The following GINS1 variants were observed in gnomAD, a reference collection of about 807,000 sequenced individuals.
GINS1 encodes DNA replication complex GINS protein PSF1.
In GINS1, 26 loss-of-function variants were observed where a neutral mutation model predicts 34.9. The observed-to-expected ratio is 0.74, with a 90% CI of 0.55 to 1.03. The LOEUF (loss-of-function observed/expected upper bound fraction) is 1.03. Among genes scored for constraint, GINS1 ranks in the 50% least tolerant of loss-of-function variants. The pLI is 0.00. For missense variants in GINS1, 235 were observed against 237.9 expected, an observed-to-expected ratio of 0.99 and a Z score of 0.08; for synonymous variants, 97 against 84.4, an observed-to-expected ratio of 1.15 and a Z score of -0.82.
At chr20:25,412,782 A>G (rs1250845895) in intron 1 of GINS1, among the ~76,000 whole-genome samples, 1 of 152,182 alleles carries the variant, frequency 6.6e-6, no homozygotes, top group East Asian at 1.9e-4. Context: ...CATATAACCC[A>G]TAAATATACA....
intron 5 of GINS1, among the ~76,000 whole-genome samples, chr20:25,440,648 TA>T (rs1330099996): frequency 6.6e-6 from 1 of 151,506 alleles, no homozygotes. Flanking sequence ...CCATCTCTAC[TA>T]AAAATACAAA....
In GINS1 at chr20:25,413,655, T is replaced by A. The variant is rs939527858; in HGVS notation, c.76-135T>A. The A allele has an allele frequency of 1.1e-5, 7 of 642,506 alleles. No individual in the cohort carries two copies. In the Admixed American group the frequency reaches 1.5e-4, roughly 13 times the overall value. The allele number at this position is 642,506 out of a possible 1,614,324, so 39.8% of individuals were successfully genotyped here. A position where few individuals can be genotyped will look rare whatever the true frequency, so the allele number is the denominator to read the frequency against. ...ATCTCACCAACACTTGTTATAACCA[T>A]GCTAGTGGGGTGTGAAAGGACTATT... is the stretch of plus-strand genomic sequence containing the variant. On this transcript the variant is annotated intron_variant, in intron 1 of 6. Transcript: ENST00000262460.
chr20:25,414,888 AAG>A, intron 2 of GINS1, among the ~76,000 whole-genome samples: 1 of 152,142 alleles, frequency 6.6e-6, no homozygotes, highest in Non-Finnish European at 1.5e-5. Flanking sequence ...CTAGCTATAA[AAG>A]GTTTCAGTGT....
rs753933644 is a variant in GINS1, at chr20:25,425,338, C to A, written c.447+11C>A. 4.6e-6 allele frequency: 5 copies of A among 1,085,092 alleles called. No individual in the cohort carries two copies. The highest frequency in any genetic ancestry group is 2.7e-5 in the South Asian group (2 of 74,810). The allele number at this position is 1,085,092 out of a possible 1,614,324, so 67.2% of individuals were successfully genotyped here. Reference sequence around the variant, plus strand: ...AGCCTATATATTGAAGTATGTATATCTTTTTAAAATGCATTTTTCTTTAAT... The same window carrying A: ...AGCCTATATATTGAAGTATGTATATATTTTTAAAATGCATTTTTCTTTAAT... On this transcript the variant is annotated intron_variant, in intron 5 of 6. Coordinates refer to ENST00000262460, the MANE Select transcript of GINS1 (RefSeq NM_021067.5).
intron 5 of GINS1, among the ~76,000 whole-genome samples, chr20:25,440,807 T>C (rs1209785091): frequency 9.6e-6 from 1 of 104,300 alleles, no homozygotes; most frequent in African/African-American, 4.6e-5. Context: ...CAAGACTCTG[T>C]CTCAAAAAAA....
At position 25,427,869 on chromosome 20, in the gene GINS1, A is replaced by ATT. The variant is rs11411051; in HGVS notation, c.447+2560_447+2561dup. Among the ~76,000 whole-genome samples the ATT allele has an allele frequency of 8.0e-3, 755 of 94,242 alleles. 32 individuals are homozygous for ATT. Among genetic ancestry groups the ATT allele is most frequent in the African/African-American group, 0.022 (518 of 23,084 alleles). The allele number at this position is 94,242 out of a possible 152,430, so 61.8% of individuals were successfully genotyped here. On this transcript the variant is annotated intron_variant, in intron 5 of 6. Transcript: ENST00000262460. ...AAATTTTCATGCAGCCCAGTTCGTC[A>ATT]TTTTTTTTTTTTTTTTTTTGAGATG...
chr20:25,412,448 G>T (rs928925937), intron 1 of GINS1, among the ~76,000 whole-genome samples: 5 of 151,848 alleles, frequency 3.3e-5, no homozygotes, highest in Admixed American at 1.3e-4. Flanking sequence ...CCAGCTACTC[G>T]GGAGGCTGAG....
chr20:25,439,926 C>T (rs554862463), intron 5 of GINS1, among the ~76,000 whole-genome samples: 2 of 149,834 alleles, frequency 1.3e-5, no homozygotes, highest in Non-Finnish European at 3.0e-5. Context: ...ACCTGGGAAG[C>T]GGAGGTTCCA....
chr20:25,424,537 A>G (rs1418165332), intron 4 of GINS1, among the ~76,000 whole-genome samples: 1 of 152,174 alleles, frequency 6.6e-6, no homozygotes, highest in Non-Finnish European at 1.5e-5. Context: ...TAGTATATTC[A>G]GAGTTGTTGT....
At chr20:25,437,030 T>C (rs1198566394) in intron 5 of GINS1, among the ~76,000 whole-genome samples, 2 of 152,252 alleles carry the variant, frequency 1.3e-5, no homozygotes, top group Non-Finnish European at 2.9e-5. Flanking sequence ...ACCTGAGGTA[T>C]AACCTTAAGG....
At chr20:25,444,525 G>T (rs1277482113) in intron 6 of GINS1, among the ~76,000 whole-genome samples, 2 of 152,108 alleles carry the variant, frequency 1.3e-5, no homozygotes, top group African/African-American at 4.8e-5. Flanking sequence ...TTGGTCATGG[G>T]TCTCTTGCCA....
At chr20:25,430,464 T>C (rs1600935828) in intron 5 of GINS1, among the ~76,000 whole-genome samples, 1 of 152,242 alleles carries the variant, frequency 6.6e-6, no homozygotes, top group Non-Finnish European at 1.5e-5. Context: ...TAAATCTCAA[T>C]TGATTTATGA....
At chr20:25,434,333 G>T (rs2090442484) in intron 5 of GINS1, among the ~76,000 whole-genome samples, 1 of 151,834 alleles carries the variant, frequency 6.6e-6, no homozygotes, top group African/African-American at 2.4e-5. Flanking sequence ...GTTATAAAAT[G>T]TTACAATATT....
intron 5 of GINS1, among the ~76,000 whole-genome samples, chr20:25,436,067 C>T (rs1315465993): frequency 6.6e-6 from 1 of 151,628 alleles, no homozygotes; most frequent in African/African-American, 2.4e-5. Flanking sequence ...TGTGATCTCA[C>T]CTTGGCCTCC....
At position 25,423,182 on chromosome 20, in the gene GINS1, C is replaced by T. The variant is rs553645399; in HGVS notation, c.331-2029C>T. The stretch of plus-strand genomic sequence containing the variant: ...CAGGCTGGAGTGCAGTGGCATAGCT[C>T]GGCTCACTGCAACCTCCGCCTCCCT... On this transcript the variant is annotated intron_variant, in intron 4 of 6. Transcript: ENST00000262460. Among the ~76,000 whole-genome samples the T allele has an allele frequency of 6.2e-5, 9 of 144,466 alleles. No individual in the cohort carries two copies. In the East Asian group the frequency reaches 8.7e-4, roughly 14 times the overall value. The allele number at this position is 144,466 out of a possible 152,430, so 94.8% of individuals were successfully genotyped here.
Position 25,413,783 on chromosome 20 carries a change from G to A in GINS1, c.76-7G>A, listed in dbSNP as rs1360561103. 3 of 1,538,298 alleles carry A rather than the reference G, an allele frequency of 2.0e-6. No homozygotes were observed. The highest frequency in any genetic ancestry group is 2.7e-5 in the African/African-American group (2 of 73,528). Reference sequence around the variant, plus strand: ...AGTGGATTTCAATATCGGTTTATATGTTCTAGGAGGATGGACTCAGACAAG... The same window carrying A: ...AGTGGATTTCAATATCGGTTTATATATTCTAGGAGGATGGACTCAGACAAG... On this transcript the variant is annotated splice_polypyrimidine_tract_variant and splice_region_variant and intron_variant, in intron 1 of 6. Coordinates refer to ENST00000262460, the MANE Select transcript of GINS1 (RefSeq NM_021067.5).
chr20:25,418,479 T>G (rs2090335145), intron 4 of GINS1, among the ~76,000 whole-genome samples: 1 of 152,200 alleles, frequency 6.6e-6, no homozygotes, highest in African/African-American at 2.4e-5. Context: ...TTTGGTGATA[T>G]TCCATGAAAT....
At chr20:25,435,631 G>A (rs978079930) in intron 5 of GINS1, among the ~76,000 whole-genome samples, 2 of 151,680 alleles carry the variant, frequency 1.3e-5, no homozygotes, top group Non-Finnish European at 2.9e-5. Context: ...GGTGGTGCAC[G>A]CCTGTAATCC....
chr20:25,414,710 TAAATAA>T (rs1418655650), intron 2 of GINS1, among the ~76,000 whole-genome samples: 2 of 152,098 alleles, frequency 1.3e-5, no homozygotes, highest in Non-Finnish European at 2.9e-5. Context: ...TTAAAAATAA[TAAATAA>T]AAATAAAAAC....
Sources: gnomAD v4.1 joint callset for allele counts (sites outside exome capture counted in the v4.1 genomes callset) on GRCh38, gnomAD v4.1.1 for gene constraint, MANE v1.5 for transcripts, NCBI Gene and HGNC (gene_info 2026-07-23, HGNC 2026-07-21) for gene names.